Variants in HDLBP observed in about 807,000 individuals in gnomAD.
HDLBP encodes vigilin.
HDLBP carries 30 observed loss-of-function variants against 137.3 expected under a neutral mutation model. The ratio of observed to expected loss-of-function variants is 0.22; its 90% CI spans 0.16 to 0.30. The LOEUF is 0.30. Ranked by LOEUF, HDLBP falls within the 10% of genes least tolerant of loss-of-function variation. HDLBP has a pLI of 1.00. For synonymous variants in HDLBP, 606 were observed against 596.0 expected, an observed-to-expected ratio of 1.02 and a Z score of -0.24; for missense variants, 1,119 against 1,667.3, an observed-to-expected ratio of 0.67 and a Z score of 5.73.
rs1392123829 is a variant in HDLBP, at chr2:241,256,209, C to T, written c.848G>A (p.Arg283His). The T allele has an allele frequency of 1.5e-5, 24 of 1,613,968 alleles. No individual in the cohort carries two copies. The highest frequency in any genetic ancestry group is 1.9e-5 in the Non-Finnish European group (22 of 1,179,984). ...EKEQLAQAVA[R>H]IKKIYEEKKK... ...CTTCTCCTCATAAATCTTCTTGATGCGAGCCACAGCCTGAGCCAACTGTTC... is the reference window on the plus strand; with the variant it reads ...CTTCTCCTCATAAATCTTCTTGATGTGAGCCACAGCCTGAGCCAACTGTTC... Residue 283 changes from arginine to histidine, a missense_variant, in exon 7 of 28, where the codon CGC (arginine) becomes CAC (histidine). Arg to His is a conservative substitution (Grantham distance 29, BLOSUM62 0). Around this residue, in one of 4 missense-constraint regions of HDLBP, gnomAD observed 425 missense variants for 693.9 expected, o/e 0.61. Transcript: ENST00000310931.
At chr2:241,258,175 G>A (rs541295314) in intron 5 of HDLBP, among the ~76,000 whole-genome samples, 2 of 150,814 alleles carry the variant, frequency 1.3e-5, no homozygotes, top group Non-Finnish European at 3.0e-5. Flanking sequence ...GAGGTGGGTG[G>A]ATCACGAGGT....
Position 241,242,682 on chromosome 2 carries a change from A to T in HDLBP, c.1951-4T>A. ...CCTCTACCTCGGCTATGTTGGCCTGAAACCAAACACAGGGCAGGAGGAGGA... is the reference window on the plus strand; with the variant it reads ...CCTCTACCTCGGCTATGTTGGCCTGTAACCAAACACAGGGCAGGAGGAGGA... On this transcript the variant is annotated splice_region_variant and splice_polypyrimidine_tract_variant and intron_variant, in intron 16 of 27. Coordinates refer to ENST00000310931, the MANE Select transcript of HDLBP (RefSeq NM_005336.6). 3 of 1,611,974 alleles carry T rather than the reference A, an allele frequency of 1.9e-6. No individual in the cohort carries two copies. Among genetic ancestry groups the T allele is most frequent in the Middle Eastern group, 1.7e-4 (1 of 5,998 alleles).
intron 1 of HDLBP, among the ~76,000 whole-genome samples, chr2:241,309,037 T>C (rs530612506): frequency 6.6e-6 from 1 of 152,140 alleles, no homozygotes; most frequent in Non-Finnish European, 1.5e-5. Context: ...TTTCACCTCC[T>C]GTCCATTCCT....
At chr2:241,243,945 C>G (rs574293047) in intron 16 of HDLBP, among the ~76,000 whole-genome samples, 1 of 152,058 alleles carries the variant, frequency 6.6e-6, no homozygotes, top group African/African-American at 2.4e-5. Context: ...CCAGAAATGA[C>G]AGTGTTAGAA....
At chr2:241,273,469 C>T (rs190871781) in intron 1 of HDLBP, 14 of 524,274 alleles carry the variant, frequency 2.7e-5, no homozygotes, top group African/African-American at 1.7e-4. Flanking sequence ...ACGGTGGATA[C>T]GCAGGACTGG....
rs761359186 is a variant in HDLBP, at chr2:241,239,806, T to G, written c.2406A>C (p.Glu802Asp). 1 of 1,613,862 alleles carries G rather than the reference T, an allele frequency of 6.2e-7. No homozygotes were observed. The highest frequency in any genetic ancestry group is 2.2e-5 in the East Asian group (1 of 44,876). The change falls in exon 19 of 28, where the codon GAA (glutamate) becomes GAC (aspartate). Residue 802 changes from glutamate to aspartate, a missense_variant. This residue lies in a region of HDLBP where 618 missense variants were observed against 816.7 expected (regional missense o/e 0.76). Coordinates refer to ENST00000310931, the MANE Select transcript of HDLBP (RefSeq NM_005336.6). The surrounding 1 kb of genome is among the most constrained non-coding windows in gnomAD (Gnocchi z 4.6). ...ALIQNLDNVV[E>D]DSMLVDPKHH... ...GCTTGGGGTCCACCAGCATGGAGTC[T>G]TCCACCACATTATCCTGCAGTGTTA...
chr2:241,248,152 G>A, intron 13 of HDLBP, 36 bp from the exon 14 acceptor site: 1 of 1,572,060 alleles, frequency 6.4e-7, no homozygotes. Context: ...GTTCAAGTAT[G>A]AGGAAGGACA....
chr2:241,236,987 G>T (rs1002588006), intron 20 of HDLBP, among the ~76,000 whole-genome samples: 14 of 150,502 alleles, frequency 9.3e-5, no homozygotes, highest in Admixed American at 3.3e-4. Context: ...TGGGGGGGGG[G>T]GGGGGGGCGG....
At position 241,238,779 on chromosome 2, in the gene HDLBP, C is replaced by A; in HGVS notation, c.2619G>T (p.Gln873His). The A allele has an allele frequency of 6.6e-7, 1 of 1,506,832 alleles. No homozygotes were observed. Among genetic ancestry groups the A allele is most frequent in the Non-Finnish European group, 9.0e-7 (1 of 1,117,166 alleles). 93.3% of individuals were successfully genotyped at this position (1,506,832 alleles called of 1,614,324 possible). ...IQEIIEDLEA[Q>H]VTLECAIPQK... is the part of the protein sequence containing the mutation. ...GGGGTATAGCACATTCTAATGTCAC[C>A]TGAGCTTCCTGGAGGGAGGTACACA... The change falls in exon 20 of 28, where the codon CAG becomes CAT. Residue 873 changes from glutamine (Q) to histidine (H), a missense_variant. This residue lies in a region of HDLBP where 618 missense variants were observed against 816.7 expected (regional missense o/e 0.76). Transcript: ENST00000310931. This position sits in a 1 kb window ranked among gnomAD's most constrained non-coding sequence, Gnocchi z 4.9.
intron 16 of HDLBP, among the ~76,000 whole-genome samples, chr2:241,244,570 C>A (rs988104455): frequency 6.6e-6 from 1 of 152,120 alleles, no homozygotes; most frequent in Non-Finnish European, 1.5e-5. Context: ...AACCTAGAAA[C>A]CTTTATGCAG....
intron 1 of HDLBP, among the ~76,000 whole-genome samples, chr2:241,308,086 T>C (rs1016683890): frequency 6.6e-6 from 1 of 152,204 alleles, no homozygotes; most frequent in African/African-American, 2.4e-5. Context: ...CCTGTCCTCT[T>C]CTCCTTTGAG....
At position 241,256,538 on chromosome 2, in the gene HDLBP, T is replaced by C. The variant is rs917737324; in HGVS notation, c.657+62A>G. On this transcript the variant is annotated intron_variant, in intron 6 of 27. Coordinates refer to ENST00000310931, the MANE Select transcript of HDLBP (RefSeq NM_005336.6). ...AGTCCACACTGGACACGGCAACCCA[T>C]GAGGGAGTGAGGTCTGCACAAGCAG... 1.1e-5 allele frequency: 17 copies of C among 1,563,540 alleles called. No homozygotes were observed. The East Asian group carries it at 3.4e-4, about 31-fold the overall frequency.
At chr2:241,248,620 G>GA (rs2071868912) in intron 12 of HDLBP, among the ~76,000 whole-genome samples, 1 of 152,128 alleles carries the variant, frequency 6.6e-6, no homozygotes, top group Admixed American at 6.5e-5. Context: ...CTCGCTGTAG[G>GA]ACCCTTCAAC....
At chr2:241,244,242 T>C (rs1174793182) in intron 16 of HDLBP, among the ~76,000 whole-genome samples, 1 of 152,116 alleles carries the variant, frequency 6.6e-6, no homozygotes, top group Non-Finnish European at 1.5e-5. Flanking sequence ...AATACCCTGG[T>C]CACCAGAGTC....
At position 241,272,309 on chromosome 2, in the gene HDLBP, C is replaced by T. The variant is rs2074130496; in HGVS notation, c.-102-3768G>A. 15 of 983,044 alleles carry T rather than the reference C, an allele frequency of 1.5e-5. No individual in the cohort carries two copies. Among genetic ancestry groups the T allele is most frequent in the Non-Finnish European group, 1.7e-5 (14 of 828,158 alleles). The allele number at this position is 983,044 out of a possible 1,614,324, so 60.9% of individuals were successfully genotyped here. On this transcript the variant is annotated intron_variant, in intron 1 of 27. Coordinates refer to ENST00000310931, the MANE Select transcript of HDLBP (RefSeq NM_005336.6). This position sits in a 1 kb window ranked among gnomAD's most constrained non-coding sequence, Gnocchi z 5.6. ...GGACCCCCACCCTGGCCGCACACGGCGCCCCCGCCGGAGCGGGGGAGGGGA... is the reference window on the plus strand; with the variant it reads ...GGACCCCCACCCTGGCCGCACACGGTGCCCCCGCCGGAGCGGGGGAGGGGA...
intron 12 of HDLBP, among the ~76,000 whole-genome samples, 177 bp from the exon 13 acceptor site, chr2:241,248,525 G>A (rs1176076031): frequency 4.6e-5 from 7 of 152,132 alleles, no homozygotes; most frequent in Non-Finnish European, 1.0e-4. Context: ...TGTGCACAGC[G>A]CATAATGAGT....
chr2:241,250,307 T>TAGTTGAAGGATTCC (rs1485312173), intron 11 of HDLBP: 3 of 206,538 alleles, frequency 1.5e-5, no homozygotes, highest in African/African-American at 6.9e-5. Flanking sequence ...GGCTTCAGAA[T>TAGTTGAAGGATTCC]AGTTGAAGGA....
intron 1 of HDLBP, among the ~76,000 whole-genome samples, chr2:241,306,754 T>C (rs1313358416): frequency 6.6e-6 from 1 of 151,656 alleles, no homozygotes; most frequent in Non-Finnish European, 1.5e-5. Flanking sequence ...CTATTGTGCA[T>C]GCCTGTAGTC....
intron 1 of HDLBP, among the ~76,000 whole-genome samples, chr2:241,305,746 A>C (rs939508450): frequency 2.0e-5 from 3 of 151,448 alleles, no homozygotes; most frequent in Non-Finnish European, 4.4e-5. Flanking sequence ...CAATGAATAC[A>C]AAGTTGTTTA....
Sources: allele counts gnomAD v4.1 joint callset (sites outside exome capture counted in the v4.1 genomes callset), GRCh38; gene constraint gnomAD v4.1.1; regional missense constraint gnomAD v4.1.1; non-coding constraint Gnocchi (gnomAD v3.1); transcripts MANE v1.5; gene names NCBI Gene and HGNC (gene_info 2026-07-23, HGNC 2026-07-21).